NCKAP5: variants seen among roughly 807,000 people sequenced by gnomAD.
NCKAP5 encodes the protein NCK associated protein 5, also known as nck-associated protein 5.
Under a neutral mutation model 167.0 loss-of-function variants are expected in NCKAP5, and 92 were observed. The ratio of observed to expected loss-of-function variants is 0.55; its 90% CI spans 0.47 to 0.66. NCKAP5 has a LOEUF of 0.66. Among genes scored for constraint, NCKAP5 ranks in the 30% least tolerant of loss-of-function variants. The pLI is 0.00. For missense variants in NCKAP5, 2,378 were observed against 2,315.0 expected, an observed-to-expected ratio of 1.03 and a Z score of -0.56; for synonymous variants, 891 against 877.4, an observed-to-expected ratio of 1.02 and a Z score of -0.27.
rs114201871 is a variant in NCKAP5, at chr2:133,050,939, G to A, written c.342-56700C>T. Among the ~76,000 whole-genome samples, 1,369 of 152,282 alleles carry A rather than the reference G, an allele frequency of 9.0e-3. 18 individuals carry two copies. The highest frequency in any genetic ancestry group is 0.031 in the African/African-American group (1,308 of 41,550). On this transcript the variant is annotated intron_variant, in intron 6 of 19. Coordinates refer to ENST00000409261, the MANE Select transcript of NCKAP5 (RefSeq NM_207363.3). The stretch of plus-strand genomic sequence containing the variant: ...CTTTGAAGTATATGCGCGACTGAAC[G>A]CATGTGTGAAATTCTTTGAGATTCT...
chr2:133,285,401 C>T (rs1313232884), intron 4 of NCKAP5, among the ~76,000 whole-genome samples: 2 of 151,726 alleles, frequency 1.3e-5, no homozygotes, highest in East Asian at 3.9e-4. Flanking sequence ...AGGAAGATAA[C>T]AGCTCTGCTT....
rs191320070 is a variant in NCKAP5 at position 132,711,745 on chromosome 2, T to C, written c.5713+13882A>G. Among the ~76,000 whole-genome samples, 331 of 152,114 alleles carry C rather than the reference T, an allele frequency of 2.2e-3. 3 individuals carry two copies. The highest frequency in any genetic ancestry group is 8.6e-3 in the South Asian group (41 of 4,792). ...CTTTTCCCTCCCTCACCACAGAGAA[T>C]GGTATAGAAAAACTCAATTAGGCCA... On this transcript the variant is annotated intron_variant, in intron 19 of 19. Transcript: ENST00000409261.
chr2:132,676,125 T>C (rs1050826513), intron 19 of NCKAP5, among the ~76,000 whole-genome samples: 3 of 152,134 alleles, frequency 2.0e-5, no homozygotes, highest in African/African-American at 7.2e-5. Context: ...ATTTCAAAGA[T>C]GAGGAGATAC....
intron 3 of NCKAP5, among the ~76,000 whole-genome samples, chr2:133,500,091 A>C (rs1323716074): frequency 6.6e-6 from 1 of 152,162 alleles, no homozygotes; most frequent in African/African-American, 2.4e-5. Flanking sequence ...ACAGAATCTT[A>C]TAAAAAGGAT....
chr2:132,771,506 C>A (rs1682044843), intron 16 of NCKAP5, among the ~76,000 whole-genome samples: 1 of 151,952 alleles, frequency 6.6e-6, no homozygotes, highest in Non-Finnish European at 1.5e-5. Flanking sequence ...AAATTTTTTC[C>A]AATAAATTTA....
At chr2:132,822,653 T>C (rs1320499791) in intron 11 of NCKAP5, among the ~76,000 whole-genome samples, 2 of 152,224 alleles carry the variant, frequency 1.3e-5, no homozygotes, top group Non-Finnish European at 2.9e-5. Context: ...AACAGGGTTC[T>C]ATAACAAGCC....
At chr2:133,617,081 A>G in the NCKAP5 span, among the ~76,000 whole-genome samples, 5 of 152,166 alleles carry the variant, frequency 3.3e-5, no homozygotes, top group Non-Finnish European at 1.5e-5. Context: ...ATGCAGAAAA[A>G]GCCTTTGACA....
At chr2:133,250,823 G>C (rs1250585627) in intron 4 of NCKAP5, among the ~76,000 whole-genome samples, 1 of 152,054 alleles carries the variant, frequency 6.6e-6, no homozygotes, top group East Asian at 1.9e-4. Context: ...TCAGCTACTT[G>C]GGAGGCTGAG....
intron 5 of NCKAP5, among the ~76,000 whole-genome samples, chr2:133,197,808 T>C (rs1330071516): frequency 6.6e-6 from 1 of 151,884 alleles, no homozygotes; most frequent in Non-Finnish European, 1.5e-5. Context: ...CAATTAGCCA[T>C]GTTTTGTGGT....
chr2:133,482,924 C>G (rs979998833), intron 3 of NCKAP5, among the ~76,000 whole-genome samples: 1 of 152,062 alleles, frequency 6.6e-6, no homozygotes, highest in Admixed American at 6.5e-5. Flanking sequence ...TTCTCTTTTC[C>G]AGGTGAGAAA....
chr2:133,666,751 T>C, the NCKAP5 span, among the ~76,000 whole-genome samples: 2 of 152,098 alleles, frequency 1.3e-5, no homozygotes, highest in African/African-American at 2.4e-5. Context: ...CTAACATCAA[T>C]TGGTAAAATG....
At chr2:133,084,732 A>T (rs2080927382) in intron 6 of NCKAP5, among the ~76,000 whole-genome samples, 1 of 152,170 alleles carries the variant, frequency 6.6e-6, no homozygotes, top group South Asian at 2.1e-4. Flanking sequence ...CTTTCAAGAG[A>T]CTTACAGCCA....
chr2:132,844,877 C>A (rs1056241334), intron 11 of NCKAP5, among the ~76,000 whole-genome samples: 1 of 152,126 alleles, frequency 6.6e-6, no homozygotes, highest in Non-Finnish European at 1.5e-5. Flanking sequence ...TATAACCTTG[C>A]CAGAAACGCA....
At chr2:132,829,348 T>C (rs1687356592) in intron 11 of NCKAP5, among the ~76,000 whole-genome samples, 1 of 152,144 alleles carries the variant, frequency 6.6e-6, no homozygotes, top group African/African-American at 2.4e-5. Flanking sequence ...ATGAATGAGA[T>C]GATTCCTAAA....
intron 6 of NCKAP5, among the ~76,000 whole-genome samples, chr2:133,011,422 A>G (rs11683464): frequency 0.51 from 77,028 of 152,080 alleles, 19,874 homozygotes; most frequent in East Asian, 0.64. Flanking sequence ...TGTAAAGTGC[A>G]AAGACTTGCC....
chr2:132,971,595 G>A (rs2076835897), intron 7 of NCKAP5, among the ~76,000 whole-genome samples: 1 of 152,182 alleles, frequency 6.6e-6, no homozygotes, highest in Non-Finnish European at 1.5e-5. Flanking sequence ...AAAACAAGAT[G>A]CTGCTGCAAT....
chr2:133,389,255 C>A lies in NCKAP5; in HGVS notation c.70-86145G>T, dbSNP rs182038773. Among the ~76,000 whole-genome samples, 202 of 152,352 alleles carry A rather than the reference C, an allele frequency of 1.3e-3. 1 individual carries two copies. Among genetic ancestry groups the A allele is most frequent in the African/African-American group, 4.7e-3 (195 of 41,582 alleles). ...GTCATTCAAAAAGTCCACCTGCATA[C>A]ACTTGCAAAATGGCGTCTTCTTGAA... On this transcript the variant is annotated intron_variant, in intron 3 of 19. Coordinates refer to ENST00000409261, the MANE Select transcript of NCKAP5 (RefSeq NM_207363.3).
At chr2:132,880,205 G>C (rs537412795) in intron 8 of NCKAP5, among the ~76,000 whole-genome samples, 1 of 152,306 alleles carries the variant, frequency 6.6e-6, no homozygotes, top group South Asian at 2.1e-4. Context: ...ATATAAGTTA[G>C]ATAAAATATA....
chr2:133,496,910 T>C (rs948015023), intron 3 of NCKAP5, among the ~76,000 whole-genome samples: 2 of 152,208 alleles, frequency 1.3e-5, no homozygotes, highest in Non-Finnish European at 2.9e-5. Context: ...ACCATAAGAT[T>C]AGACATCTGA....
Sources: allele counts gnomAD v4.1 joint callset (sites outside exome capture counted in the v4.1 genomes callset), GRCh38; gene constraint gnomAD v4.1.1; transcripts MANE v1.5; gene names NCBI Gene and HGNC (gene_info 2026-07-23, HGNC 2026-07-21).